CGNL1: variants seen among roughly 807,000 people sequenced by gnomAD.
CGNL1 encodes cingulin like 1, also known as cingulin-like protein 1.
CGNL1 carries 132 observed loss-of-function variants against 141.2 expected under a neutral mutation model. The observed-to-expected ratio is 0.93, with a 90% CI of 0.81 to 1.08. The LOEUF is 1.08. Ranked by LOEUF, CGNL1 falls within the 50% of genes least tolerant of loss-of-function variation. The pLI is 0.00. For synonymous variants in CGNL1, 690 were observed against 622.1 expected, an observed-to-expected ratio of 1.11 and a Z score of -1.63; for missense variants, 1,870 against 1,588.6, an observed-to-expected ratio of 1.18 and a Z score of -3.01.
intron 1 of CGNL1, among the ~76,000 whole-genome samples, chr15:57,410,963 A>G (rs1291979588): frequency 1.3e-5 from 2 of 152,246 alleles, no homozygotes; most frequent in Non-Finnish European, 2.9e-5. Flanking sequence ...ACAAGAATCT[A>G]AAGATAAGCT....
rs116174305 is a variant in CGNL1, at chr15:57,506,554, A to T, written c.2404-10226A>T. Among the ~76,000 whole-genome samples, 523 of 152,308 alleles carry T rather than the reference A, an allele frequency of 3.4e-3. 3 individuals carry two copies. The highest frequency in any genetic ancestry group is 0.012 in the African/African-American group (488 of 41,560). On this transcript the variant is annotated intron_variant, in intron 8 of 18. Coordinates refer to ENST00000281282, the MANE Select transcript of CGNL1 (RefSeq NM_032866.5). ...AAATGCAGTCTTGGTGAGTGTGTGG[A>T]TGTAGCTGAAGCCCCCAGCTGGCAG...
chr15:57,460,956 T>C (rs2063438194), intron 7 of CGNL1, among the ~76,000 whole-genome samples: 2 of 151,644 alleles, frequency 1.3e-5, no homozygotes, highest in African/African-American at 4.8e-5. Flanking sequence ...GATGCCCACA[T>C]CTCTCTGGCT....
chr15:57,408,449 AC>A (rs1209562999), intron 1 of CGNL1, among the ~76,000 whole-genome samples: 14 of 152,134 alleles, frequency 9.2e-5, no homozygotes, highest in African/African-American at 3.4e-4. Context: ...CAAGAATGTG[AC>A]TTTTAAGCCC....
intron 14 of CGNL1, among the ~76,000 whole-genome samples, chr15:57,535,915 T>C (rs1007235572): frequency 1.3e-5 from 2 of 152,232 alleles, no homozygotes; most frequent in African/African-American, 4.8e-5. Flanking sequence ...CTTTCTCTTA[T>C]GCATACATTT....
chr15:57,535,621 A>G (rs897579797), intron 14 of CGNL1, among the ~76,000 whole-genome samples: 4 of 152,238 alleles, frequency 2.6e-5, no homozygotes, highest in African/African-American at 9.6e-5. Context: ...GTGTGGGTCA[A>G]TCAGATTTCC....
Position 57,439,050 on chromosome 15 carries a change from C to A in CGNL1, c.1051C>A (p.Pro351Thr). ...TGRDIDTGSI[P>T]GVDQLIEKFD... ...ACGGGATATTGATACAGGATCAATT[C>A]CTGGTGTGGATCAGTTAATTGAAAA... Residue 351 changes from proline (P) to threonine (T), a missense_variant, in exon 2 of 19, where the codon CCT becomes ACT. Physicochemically the swap from Pro to Thr is conservative, Grantham distance 38 (BLOSUM62 -1). Transcript: ENST00000281282. The A allele has an allele frequency of 6.2e-7, 1 of 1,614,134 alleles. No homozygotes were observed.
intron 8 of CGNL1, among the ~76,000 whole-genome samples, chr15:57,485,145 C>T (rs1475490119): frequency 1.3e-5 from 2 of 151,872 alleles, no homozygotes. Flanking sequence ...GTGTTTAAAA[C>T]AAAATTTTCT....
chr15:57,440,017 T>C (rs2063165270), intron 2 of CGNL1, among the ~76,000 whole-genome samples: 1 of 152,100 alleles, frequency 6.6e-6, no homozygotes, highest in Admixed American at 6.5e-5. Flanking sequence ...ATTAGGTTAA[T>C]TTTCATTTAG....
rs531591249 is a variant in CGNL1, at chr15:57,451,104, T to G, written c.1804-396T>G. On this transcript the variant is annotated intron_variant, in intron 4 of 18. Coordinates refer to ENST00000281282, the MANE Select transcript of CGNL1 (RefSeq NM_032866.5). Reference sequence around the variant, plus strand: ...ATTTCCATGCTCTGGAATATAGAATTTATTATGGAGAGGCTTTTTAAGTTT... The same window carrying G: ...ATTTCCATGCTCTGGAATATAGAATGTATTATGGAGAGGCTTTTTAAGTTT... Among the ~76,000 whole-genome samples, 6 of 152,346 alleles carry G rather than the reference T, an allele frequency of 3.9e-5. No individual in the cohort carries two copies. In the East Asian group the frequency reaches 7.7e-4, roughly 20 times the overall value.
chr15:57,545,899 G>A (rs578010372), intron 17 of CGNL1, among the ~76,000 whole-genome samples, 177 bp from the exon 18 acceptor site: 1 of 152,216 alleles, frequency 6.6e-6, no homozygotes, highest in Non-Finnish European at 1.5e-5. Context: ...TACACCCTGA[G>A]TTTGGCTTTA....
intron 8 of CGNL1, among the ~76,000 whole-genome samples, chr15:57,491,107 A>C (rs1032221991): frequency 1.3e-5 from 2 of 152,212 alleles, no homozygotes; most frequent in African/African-American, 2.4e-5. Flanking sequence ...AACTAAGGAA[A>C]GCTGAATAAA....
intron 14 of CGNL1, among the ~76,000 whole-genome samples, chr15:57,538,622 A>T (rs1464809930): frequency 6.6e-6 from 1 of 152,128 alleles, no homozygotes; most frequent in Non-Finnish European, 1.5e-5. Flanking sequence ...CAGATTTTTC[A>T]GACATTGGCA....
intron 1 of CGNL1, among the ~76,000 whole-genome samples, chr15:57,399,805 C>G (rs1276568490): frequency 6.6e-6 from 1 of 151,856 alleles, no homozygotes; most frequent in Non-Finnish European, 1.5e-5. Flanking sequence ...TTGCTTCAGC[C>G]CAGGAGTTTG....
At chr15:57,436,369 T>G (rs1249445597) in intron 1 of CGNL1, among the ~76,000 whole-genome samples, 4 of 152,222 alleles carry the variant, frequency 2.6e-5, no homozygotes, top group Non-Finnish European at 5.9e-5. Flanking sequence ...GCCTAAGCTT[T>G]TGGGCTATGT....
chr15:57,453,864 C>A (rs781742642), intron 7 of CGNL1, 46 bp downstream of exon 7: 20 of 1,606,156 alleles, frequency 1.2e-5, no homozygotes, highest in Admixed American at 1.7e-5. Flanking sequence ...CCCCACCTGC[C>A]TGGAAAGATG....
intron 8 of CGNL1, among the ~76,000 whole-genome samples, chr15:57,470,164 C>G (rs58114100): frequency 6.6e-6 from 1 of 151,348 alleles, no homozygotes; most frequent in African/African-American, 2.4e-5. Flanking sequence ...TCCACAGACT[C>G]AAGCCTGCCT....
intron 1 of CGNL1, among the ~76,000 whole-genome samples, chr15:57,409,936 G>C (rs980107774): frequency 6.6e-6 from 1 of 152,196 alleles, no homozygotes. Flanking sequence ...CTGATGCCTC[G>C]TGTGAGGATC....
intron 1 of CGNL1, among the ~76,000 whole-genome samples, chr15:57,380,963 A>T (rs2062418055): frequency 6.6e-6 from 1 of 152,196 alleles, no homozygotes; most frequent in Admixed American, 6.5e-5. Context: ...ATGGGCAGAC[A>T]TTGGTTCCTC....
intron 2 of CGNL1, 61 bp from the exon 3 acceptor site, chr15:57,440,316 G>T: frequency 8.4e-7 from 1 of 1,186,388 alleles, no homozygotes; most frequent in Non-Finnish European, 1.2e-6. Flanking sequence ...GGAATTGTTT[G>T]GTGTTTGGAA....
Sources: gnomAD v4.1 joint callset for allele counts (sites outside exome capture counted in the v4.1 genomes callset) on GRCh38, gnomAD v4.1.1 for gene constraint, MANE v1.5 for transcripts, NCBI Gene and HGNC (gene_info 2026-07-23, HGNC 2026-07-21) for gene names.